PDE4DIP: variants seen among roughly 807,000 people sequenced by gnomAD.
PDE4DIP encodes phosphodiesterase 4D interacting protein.
In PDE4DIP, 59 loss-of-function variants were observed where a neutral mutation model predicts 221.4. The ratio of observed to expected loss-of-function variants is 0.27; its 90% CI spans 0.22 to 0.33. PDE4DIP has a LOEUF of 0.33. Ranked by LOEUF, PDE4DIP falls within the 10% of genes least tolerant of loss-of-function variation. The probability of loss-of-function intolerance (pLI) is 1.00; values close to 1 mark genes in which losing one functional copy is unlikely to be tolerated. For missense variants in PDE4DIP, 1,036 were observed against 2,154.2 expected, an observed-to-expected ratio of 0.48 and a Z score of 10.28; for synonymous variants, 404 against 815.9, an observed-to-expected ratio of 0.50 and a Z score of 8.60.
chr1:148,979,727 C>T lies in PDE4DIP; in HGVS notation c.2575-10C>T, dbSNP rs1489476351. 1 of 1,611,612 alleles carries T rather than the reference C, an allele frequency of 6.2e-7. No individual in the cohort carries two copies. The highest frequency in any genetic ancestry group is 1.7e-5 in the Admixed American group (1 of 59,926). On this transcript the variant is annotated splice_polypyrimidine_tract_variant and intron_variant, in intron 19 of 43. Transcript: ENST00000369354. The stretch of plus-strand genomic sequence containing the variant: ...ATTTGCGTATTGCTTCCTCTCTCTT[C>T]TTTACTCAGTTGCTGCTGATGCTAG...
chr1:148,930,125 A>C (rs1323407467), intron 2 of PDE4DIP: 3 of 151,606 alleles, frequency 2.0e-5, no homozygotes, highest in African/African-American at 7.3e-5. Context: ...CAGTTTTTTA[A>C]AAGCTTAGTG....
At chr1:148,998,733 ATTT>A (rs66777969) in intron 23 of PDE4DIP, among the ~76,000 whole-genome samples, 2 of 124,358 alleles carry the variant, frequency 1.6e-5, no homozygotes, top group Non-Finnish European at 1.7e-5. Context: ...AGGAGGAGGA[ATTT>A]TTTTTTTTTT....
At chr1:149,024,790 G>C in intron 38 of PDE4DIP, 106 bp downstream of exon 41, 1 of 592,754 alleles carries the variant, frequency 1.7e-6, no homozygotes, top group Middle Eastern at 4.6e-4. Flanking sequence ...TTAGGGTCAG[G>C]TTGAAATCAG....
chr1:148,964,437 A>T (rs1172327888), intron 9 of PDE4DIP, among the ~76,000 whole-genome samples: 5 of 151,576 alleles, frequency 3.3e-5, no homozygotes, highest in African/African-American at 4.9e-5. Flanking sequence ...TGGTTCCTTT[A>T]TCTTGTTAGG....
chr1:148,996,126 A>G, intron 22 of PDE4DIP, among the ~76,000 whole-genome samples: 1 of 152,150 alleles, frequency 6.6e-6, no homozygotes, highest in Admixed American at 6.5e-5. Flanking sequence ...TTTAAAGAAA[A>G]TAGGTGTATT....
At chr1:148,960,057 TC>T (rs2056511131) in intron 5 of PDE4DIP, among the ~76,000 whole-genome samples, 1 of 152,270 alleles carries the variant, frequency 6.6e-6, no homozygotes, top group African/African-American at 2.4e-5. Flanking sequence ...GATAGTATAC[TC>T]CTTTACCCTA....
intron 5 of PDE4DIP, chr1:148,953,560 G>A (rs781839707): frequency 6.2e-7 from 1 of 1,614,138 alleles, no homozygotes; most frequent in Admixed American, 1.7e-5. Context: ...AAGATGAGGA[G>A]ACTGAGAGAA....
In PDE4DIP at chr1:149,013,083, G is replaced by T. The variant is rs587711544; in HGVS notation, c.5266+307G>T. 7.5e-4 allele frequency among the ~76,000 whole-genome samples: 115 copies of T among 152,336 alleles called. No individual in the cohort carries two copies. The Middle Eastern group carries it at 0.02, about 27-fold the overall frequency. On this transcript the variant is annotated intron_variant, in intron 32 of 43. Coordinates refer to ENST00000369354, the Ensembl canonical transcript of PDE4DIP. ...CTGACAGACTGGTGGACTGCTCATTGGTTGGGGGTGGGAGAGAGATGTTAT... is the reference window on the plus strand; with the variant it reads ...CTGACAGACTGGTGGACTGCTCATTTGTTGGGGGTGGGAGAGAGATGTTAT...
chr1:148,915,133 T>TG (rs2043652800), intron 1 of PDE4DIP, among the ~76,000 whole-genome samples: 7 of 146,954 alleles, frequency 4.8e-5, no homozygotes, highest in Non-Finnish European at 9.1e-5. Flanking sequence ...TCTTCTGGTT[T>TG]TTTTGTTTGT....
At chr1:148,990,577 G>T (rs1287025587) in intron 21 of PDE4DIP, among the ~76,000 whole-genome samples, 1 of 151,280 alleles carries the variant, frequency 6.6e-6, no homozygotes, top group Non-Finnish European at 1.5e-5. Context: ...TTGACTTACT[G>T]GCGCAGCTCT....
In PDE4DIP at chr1:148,929,236, G is replaced by T. The variant is rs200292567; in HGVS notation, c.181G>T (p.Glu61Ter). The stretch of plus-strand genomic sequence containing the variant: ...GGTTGAAGTGGAGAGCTTGAAACGA[G>T]AACTCCAGGACAAGAAACAGCATCT... Residue 61 changes from glutamate (E) to a stop codon, truncating the protein, a stop_gained, in exon 2 of 44, where the codon GAA (glutamate) becomes TAA (stop). Transcript: ENST00000369354. LOFTEE classifies it high-confidence loss of function. The T allele has an allele frequency of 7.7e-5, 124 of 1,613,424 alleles. No individual in the cohort carries two copies. Among genetic ancestry groups the T allele is most frequent in the Non-Finnish European group, 1.0e-4 (121 of 1,179,662 alleles).
At chr1:148,980,073 A>C (rs2060833841) in intron 20 of PDE4DIP, among the ~76,000 whole-genome samples, 1 of 152,254 alleles carries the variant, frequency 6.6e-6, no homozygotes, top group Admixed American at 6.5e-5. Flanking sequence ...CCTGTTTCAC[A>C]CAGCTATTGC....
At chr1:148,989,570 T>C (rs1413835216) in intron 21 of PDE4DIP, among the ~76,000 whole-genome samples, 2 of 152,232 alleles carry the variant, frequency 1.3e-5, no homozygotes, top group African/African-American at 4.8e-5. Flanking sequence ...GCAGGAATGG[T>C]CCTGGGATGT....
intron 5 of PDE4DIP, chr1:148,939,664 A>C (rs1304521443): frequency 1.3e-5 from 2 of 152,100 alleles, no homozygotes; most frequent in African/African-American, 2.4e-5. Context: ...AAATATGTGG[A>C]AATTTTCTTA....
intron 14 of PDE4DIP, among the ~76,000 whole-genome samples, chr1:148,971,672 C>T (rs1409843059): frequency 6.6e-6 from 1 of 151,552 alleles, no homozygotes; most frequent in Admixed American, 6.6e-5. Flanking sequence ...TCATTGGATC[C>T]CCAAAACATA....
intron 1 of PDE4DIP, among the ~76,000 whole-genome samples, chr1:148,820,605 T>A (rs1371105008): frequency 7.0e-6 from 1 of 142,408 alleles, no homozygotes; most frequent in East Asian, 2.0e-4. Flanking sequence ...GTCTTCTAGA[T>A]GACAAAATGT....
intron 42 of PDE4DIP, 66 bp downstream of exon 45, chr1:149,029,991 A>T (rs3863690): frequency 0.048 from 27,481 of 576,804 alleles, 1,136 homozygotes; most frequent in Non-Finnish European, 0.059. Context: ...CTTGTGCTGC[A>T]GATGAGCAGT....
chr1:149,000,521 T>C (rs2065376167), intron 23 of PDE4DIP, among the ~76,000 whole-genome samples: 2 of 150,170 alleles, frequency 1.3e-5, no homozygotes, highest in Admixed American at 6.7e-5. Flanking sequence ...ACCACTGCAC[T>C]CCAGCCTGGG....
exon 16 of PDE4DIP, chr1:148,972,553 A>T (rs375475879): frequency 5.7e-5 from 32 of 559,510 alleles, no homozygotes; most frequent in Non-Finnish European, 8.1e-5. Context: ...CACTTCATTG[A>T]CTGCCAAAGA....
Sources: allele counts gnomAD v4.1 joint callset (sites outside exome capture counted in the v4.1 genomes callset), GRCh38; gene constraint gnomAD v4.1.1; transcripts MANE v1.5; gene names NCBI Gene and HGNC (gene_info 2026-07-23, HGNC 2026-07-21).